The following PRKCE variants were observed in gnomAD, a reference collection of about 807,000 sequenced individuals.
PRKCE encodes the protein protein kinase C epsilon.
Under a neutral mutation model 85.4 loss-of-function variants are expected in PRKCE, and 16 were observed. That is an observed-to-expected ratio of 0.19 (90% confidence interval 0.13 to 0.28). The LOEUF is 0.28. PRKCE is among the 10% of genes least tolerant of loss of function. PRKCE has a pLI of 1.00. For missense variants in PRKCE, 573 were observed against 975.2 expected (o/e 0.59, Z 5.49); for synonymous variants, 388 against 371.5 (o/e 1.04, Z -0.51).
chr2:45,897,004 T>C (rs1352291725), intron 2 of PRKCE, among the ~76,000 whole-genome samples: 3 of 152,132 alleles, frequency 2.0e-5, no homozygotes, highest in African/African-American at 7.2e-5. Context: ...CTTGAGCCCA[T>C]GAGTTTGAGG....
intron 11 of PRKCE, among the ~76,000 whole-genome samples, chr2:46,128,514 C>T (rs1032319553): frequency 1.3e-5 from 2 of 152,196 alleles, no homozygotes; most frequent in East Asian, 3.9e-4. Flanking sequence ...ATTGTATTCA[C>T]ATAGTGTTAA....
intron 10 of PRKCE, among the ~76,000 whole-genome samples, chr2:46,023,370 T>C (rs1475464806): frequency 6.6e-6 from 1 of 152,212 alleles, no homozygotes; most frequent in African/African-American, 2.4e-5. Context: ...TTTAGTCATC[T>C]CACAAGTGCC....
chr2:46,107,615 C>G (rs55931210), intron 11 of PRKCE, among the ~76,000 whole-genome samples: 1 of 152,024 alleles, frequency 6.6e-6, no homozygotes, highest in Non-Finnish European at 1.5e-5. Context: ...CTGTGCTTAG[C>G]TTGGTAAGAA....
intron 1 of PRKCE, among the ~76,000 whole-genome samples, chr2:45,761,326 CAAAAAAAAAA>C (rs370710295): frequency 0.24 from 19,650 of 82,516 alleles, 1,568 homozygotes; most frequent in Middle Eastern, 0.44. Context: ...GACTCCATCT[CAAAAAAAAAA>C]AAAAAAAAAA....
intron 1 of PRKCE, among the ~76,000 whole-genome samples, chr2:45,764,755 A>G (rs113061842): frequency 6.6e-6 from 1 of 152,208 alleles, no homozygotes; most frequent in Non-Finnish European, 1.5e-5. Flanking sequence ...GGCTGGGGTT[A>G]CTATTATTTT....
At chr2:45,777,979 G>C (rs1685882645) in intron 1 of PRKCE, among the ~76,000 whole-genome samples, 1 of 152,308 alleles carries the variant, frequency 6.6e-6, no homozygotes, top group East Asian at 1.9e-4. Context: ...TTGGCACCGA[G>C]TCTGTATCAC....
chr2:45,788,430 G>T (rs1686782924), intron 1 of PRKCE, among the ~76,000 whole-genome samples: 1 of 152,200 alleles, frequency 6.6e-6, no homozygotes, highest in African/African-American at 2.4e-5. Context: ...CTTCATTAGA[G>T]AATCCTGACT....
chr2:45,882,436 T>G (rs1191580461), intron 2 of PRKCE, among the ~76,000 whole-genome samples: 1 of 152,216 alleles, frequency 6.6e-6, no homozygotes, highest in Non-Finnish European at 1.5e-5. Context: ...TGAAGCCTCA[T>G]TGGATGAGTT....
intron 1 of PRKCE, among the ~76,000 whole-genome samples, chr2:45,765,634 G>T (rs1684851668): frequency 6.6e-6 from 1 of 152,132 alleles, no homozygotes; most frequent in African/African-American, 2.4e-5. Flanking sequence ...TCATTTGGGG[G>T]AAAGCATTTA....
intron 1 of PRKCE, among the ~76,000 whole-genome samples, chr2:45,672,863 A>G (rs933442388): frequency 6.6e-6 from 1 of 152,048 alleles, no homozygotes; most frequent in Non-Finnish European, 1.5e-5. Flanking sequence ...AGTCTCTAAA[A>G]AAATTTTTAA....
Position 46,010,395 on chromosome 2 carries a change from T to C in PRKCE, c.1315T>C (p.Leu439=). 1 of 1,599,690 alleles carries C rather than the reference T, an allele frequency of 6.3e-7. No individual in the cohort carries two copies. The highest frequency in any genetic ancestry group is 1.7e-5 in the Admixed American group (1 of 60,012). Residue 439 remains leucine (L), a synonymous_variant, in exon 10 of 15, where the codon TTA becomes CTA. Transcript: ENST00000306156. ...AGATGAAGTATATGCTGTGAAGGTC[T>C]TAAAGAAGGACGTCATCCTTCAGGA... ...GKDEVYAVKV[L]KKDVILQDDD...
At chr2:45,934,735 C>G (rs756044578) in intron 2 of PRKCE, among the ~76,000 whole-genome samples, 1 of 151,862 alleles carries the variant, frequency 6.6e-6, no homozygotes, top group Non-Finnish European at 1.5e-5. Flanking sequence ...TCACAAGTAT[C>G]TTTAATTTTT....
rs1383277409 is a variant in PRKCE, at chr2:45,748,765, G to A, written c.349-94235G>A. ...ATGATGCTCCTGCCCTGAAGGAGTA[G>A]CCCCTACAGGTGCTAGACTAGGTGG... On this transcript the variant is annotated intron_variant, in intron 1 of 14. Coordinates refer to ENST00000306156, the MANE Select transcript of PRKCE (RefSeq NM_005400.3). 2.6e-5 allele frequency among the ~76,000 whole-genome samples: 4 copies of A among 152,184 alleles called. No individual in the cohort carries two copies. In the East Asian group the frequency reaches 5.8e-4, roughly 22 times the overall value.
chr2:46,084,881 G>A (rs918707457), intron 10 of PRKCE, among the ~76,000 whole-genome samples: 13 of 151,974 alleles, frequency 8.6e-5, no homozygotes, highest in Admixed American at 2.0e-4. Flanking sequence ...TGCTGCCCCC[G>A]ACCTTCTTTT....
intron 1 of PRKCE, among the ~76,000 whole-genome samples, chr2:45,834,672 G>A (rs1020961333): frequency 1.5e-4 from 23 of 152,082 alleles, no homozygotes. Flanking sequence ...TGAACTTACG[G>A]TGTGTTGCTT....
chr2:45,917,272 A>G (rs1474591407), intron 2 of PRKCE, among the ~76,000 whole-genome samples: 2 of 152,142 alleles, frequency 1.3e-5, no homozygotes, highest in African/African-American at 4.8e-5. Context: ...CAGAGTAGCT[A>G]GATACAGAGT....
At chr2:46,000,977 C>G (rs946217897) in intron 6 of PRKCE, 3 of 152,168 alleles carry the variant, frequency 2.0e-5, no homozygotes, top group African/African-American at 7.2e-5. Flanking sequence ...TTCTAAGCCC[C>G]TTAGGTGCCA....
intron 1 of PRKCE, among the ~76,000 whole-genome samples, chr2:45,686,610 C>A (rs750947813): frequency 2.6e-5 from 4 of 152,036 alleles, no homozygotes; most frequent in African/African-American, 7.3e-5. Context: ...AGAATGGAAG[C>A]AAATGCTTCA....
At chr2:45,797,194 C>T (rs918398094) in intron 1 of PRKCE, among the ~76,000 whole-genome samples, 9 of 152,194 alleles carry the variant, frequency 5.9e-5, no homozygotes, top group African/African-American at 2.2e-4. Flanking sequence ...GGAGACTGCA[C>T]CCAAACCCAT....
Sources: allele counts gnomAD v4.1 joint callset (sites outside exome capture counted in the v4.1 genomes callset), GRCh38; gene constraint gnomAD v4.1.1; transcripts MANE v1.5; gene names NCBI Gene and HGNC (gene_info 2026-07-23, HGNC 2026-07-21).